GALNT12: variants seen among roughly 807,000 people sequenced by gnomAD.
GALNT12 encodes polypeptide N-acetylgalactosaminyltransferase 12, also known as UDP-GalNAc:polypeptide N-acetylgalactosaminyltransferase 12.
A neutral mutation model predicts 55.5 loss-of-function variants in GALNT12; 45 were observed. That is an observed-to-expected ratio of 0.81 (90% CI 0.64 to 1.04). The LOEUF (loss-of-function observed/expected upper bound fraction) is 1.04. Ranked by LOEUF, GALNT12 falls within the 50% of genes least tolerant of loss-of-function variation. The probability of loss-of-function intolerance (pLI) is 0.00; values close to 1 mark genes in which losing one functional copy is unlikely to be tolerated. For missense variants in GALNT12, 709 were observed against 754.8 expected (o/e 0.94, Z 0.71); for synonymous variants, 304 against 312.2 (o/e 0.97, Z 0.28).
chr9:98,840,132 T>C lies in GALNT12; in HGVS notation c.1343T>C (p.Met448Thr), dbSNP rs1238216809. 6.2e-7 allele frequency: 1 copy of C among 1,613,274 alleles called. No individual in the cohort carries two copies. Among genetic ancestry groups the C allele is most frequent in the Non-Finnish European group, 8.5e-7 (1 of 1,179,938 alleles). The change falls in exon 7 of 10, where the codon ATG (methionine) becomes ACG (threonine). Residue 448 changes from methionine (M) to threonine (T), a missense_variant and splice_region_variant. By Grantham distance (81) the Met-to-Thr change is moderately conservative. Around this residue, in one of 5 missense-constraint regions of GALNT12, gnomAD observed 262 missense variants for 310.7 expected, o/e 0.84. Transcript: ENST00000375011. Reference sequence around the variant, plus strand: ...GAGGACAGGCCTGGCTTCTTCGGGATGGTGAGTGAGGGTGGTGGGCCCACG... The same window carrying C: ...GAGGACAGGCCTGGCTTCTTCGGGACGGTGAGTGAGGGTGGTGGGCCCACG... ...VPEDRPGFFG[M>T]LQNKGLTDYC... is the part of the protein sequence containing the mutation.
In GALNT12 at chr9:98,831,935, C is replaced by A; in HGVS notation, c.895C>A (p.Gln299Lys). The change falls in exon 4 of 10, where the codon CAA becomes AAA. Residue 299 changes from glutamine (Q) to lysine (K), a missense_variant. Around this residue, in one of 5 missense-constraint regions of GALNT12, gnomAD observed 315 missense variants for 288.6 expected, o/e 1.09. Coordinates refer to ENST00000375011, the MANE Select transcript of GALNT12 (RefSeq NM_024642.5). The part of the protein sequence containing the change: ...TVPERERIRM[Q>K]SPVDVIRSPT... ...TCCTGAGAGGGAGAGGATACGGATG[C>A]AATCCCCCGTCGATGTCATCAGGTC... The A allele has an allele frequency of 1.2e-6, 2 of 1,613,958 alleles. No individual in the cohort carries two copies. Among genetic ancestry groups the A allele is most frequent in the East Asian group, 2.2e-5 (1 of 44,840 alleles).
Position 98,807,882 on chromosome 9 carries a change from G to C in GALNT12, c.184G>C (p.Glu62Gln). The C allele has an allele frequency of 9.3e-7, 1 of 1,079,142 alleles. No individual in the cohort carries two copies. Among genetic ancestry groups the C allele is most frequent in the Non-Finnish European group, 1.1e-6 (1 of 891,606 alleles). 66.8% of individuals were successfully genotyped at this position (1,079,142 alleles called of 1,614,324 possible). A position where few individuals can be genotyped will look rare whatever the true frequency, so the allele number is the denominator to read the frequency against. Residue 62 changes from glutamate (E) to glutamine (Q), a missense_variant, in exon 1 of 10, where the codon GAG (glutamate) becomes CAG (glutamine). Coordinates refer to ENST00000375011, the MANE Select transcript of GALNT12 (RefSeq NM_024642.5). ...GCGCACCCCGCGCCCCGGGCGGCGC[G>C]AGCCGGTCATGCCGCGGCCGCCGGT... ...PPRTPRPGRR[E>Q]PVMPRPPVPA...
intron 1 of GALNT12, among the ~76,000 whole-genome samples, chr9:98,812,478 C>T (rs1835515920): frequency 6.6e-6 from 1 of 152,098 alleles, no homozygotes; most frequent in African/African-American, 2.4e-5. Flanking sequence ...GTAGTCCCAG[C>T]TACTTGGGAG....
chr9:98,824,880 C>T (rs7043234), intron 2 of GALNT12, among the ~76,000 whole-genome samples: 80,373 of 152,044 alleles, frequency 0.53, 22,217 homozygotes, highest in African/African-American at 0.68. Context: ...TTCCTTTTTC[C>T]GTTTCCCCCC....
chr9:98,822,997 G>A (rs1042668859), intron 1 of GALNT12, among the ~76,000 whole-genome samples: 1 of 152,154 alleles, frequency 6.6e-6, no homozygotes, highest in Non-Finnish European at 1.5e-5. Flanking sequence ...ATTCTGTCTC[G>A]TTTGTATGTT....
intron 6 of GALNT12, among the ~76,000 whole-genome samples, chr9:98,838,617 C>G (rs1305027307): frequency 6.6e-6 from 1 of 152,222 alleles, no homozygotes; most frequent in Non-Finnish European, 1.5e-5. Flanking sequence ...TCTTCTTTCC[C>G]AGGTCTTGGG....
chr9:98,843,054 C>T (rs1018615920), intron 7 of GALNT12, among the ~76,000 whole-genome samples: 2 of 152,134 alleles, frequency 1.3e-5, no homozygotes, highest in Non-Finnish European at 2.9e-5. Context: ...CTAAATTTTT[C>T]TCATTGGGCA....
At chr9:98,848,198 G>T (rs1836464144) in intron 9 of GALNT12, among the ~76,000 whole-genome samples, 1 of 152,038 alleles carries the variant, frequency 6.6e-6, no homozygotes, top group Admixed American at 6.5e-5. Context: ...TTTTTTGAAT[G>T]AAAAAAGTTC....
intron 3 of GALNT12, among the ~76,000 whole-genome samples, chr9:98,828,174 A>G (rs577479776): frequency 6.6e-6 from 1 of 152,138 alleles, no homozygotes; most frequent in African/African-American, 2.4e-5. Flanking sequence ...TGCCAACTCC[A>G]TGGTTGTTAG....
rs2273849 is a variant in GALNT12 at position 98,849,605 on chromosome 9, C to G, written c.*513C>G. 11,025 of 420,530 alleles carry G rather than the reference C, an allele frequency of 0.026. 537 individuals carry two copies. Among genetic ancestry groups the G allele is most frequent in the East Asian group, 0.13 (3,664 of 29,278 alleles). 26.0% of individuals were successfully genotyped at this position (420,530 alleles called of 1,614,324 possible). On this transcript the variant is annotated 3_prime_UTR_variant, in exon 10 of 10. Coordinates refer to ENST00000375011, the MANE Select transcript of GALNT12 (RefSeq NM_024642.5). ...ACTAGGAACATTGTATTGATTTATT[C>G]AGGTCATTGAGATCTTCTAGATGTA...
At chr9:98,837,174 C>CG (rs1461097614) in intron 6 of GALNT12, 26 bp downstream of exon 6, 9 of 1,612,244 alleles carry the variant, frequency 5.6e-6, no homozygotes, top group Non-Finnish European at 7.6e-6. Context: ...CACCTGCACT[C>CG]CATCTGGCTT....
Position 98,812,462 on chromosome 9 carries a change from G to A in GALNT12, c.371+4393G>A, listed in dbSNP as rs575254644. On this transcript the variant is annotated intron_variant, in intron 1 of 9. Coordinates refer to ENST00000375011, the MANE Select transcript of GALNT12 (RefSeq NM_024642.5). ...AAAAATTAGCTGGGCGTGGTGGTGG[G>A]TGTCTGTAGTCCCAGCTACTTGGGA... Among the ~76,000 whole-genome samples the A allele has an allele frequency of 5.9e-5, 9 of 152,148 alleles. No individual in the cohort carries two copies. In the South Asian group the frequency reaches 8.3e-4, roughly 14 times the overall value.
intron 1 of GALNT12, among the ~76,000 whole-genome samples, chr9:98,817,120 C>T (rs753614202): frequency 3.9e-5 from 6 of 152,154 alleles, no homozygotes; most frequent in Non-Finnish European, 7.3e-5. Flanking sequence ...GCCACTGTGC[C>T]CAGCCCAGCT....
chr9:98,845,546 C>G (rs1319860962), intron 8 of GALNT12, among the ~76,000 whole-genome samples: 1 of 152,148 alleles, frequency 6.6e-6, no homozygotes, highest in East Asian at 1.9e-4. Context: ...CACTTTACAT[C>G]TTCTAGGAAC....
At chr9:98,817,961 C>G (rs1413632559) in intron 1 of GALNT12, among the ~76,000 whole-genome samples, 2 of 152,052 alleles carry the variant, frequency 1.3e-5, no homozygotes, top group African/African-American at 4.8e-5. Flanking sequence ...AAATTTATGA[C>G]ACACCAGCAT....
chr9:98,828,705 T>C (rs1835919070), intron 3 of GALNT12, among the ~76,000 whole-genome samples: 1 of 152,328 alleles, frequency 6.6e-6, no homozygotes, highest in South Asian at 2.1e-4. Flanking sequence ...AGTAGGTGTA[T>C]ATATTTATGG....
chr9:98,816,019 C>A (rs993759675), intron 1 of GALNT12, among the ~76,000 whole-genome samples: 1 of 152,144 alleles, frequency 6.6e-6, no homozygotes, highest in Non-Finnish European at 1.5e-5. Context: ...ACTGTTATTA[C>A]CAGGTAAAGT....
chr9:98,841,672 C>CTTT (rs112387878), intron 7 of GALNT12, among the ~76,000 whole-genome samples: 2 of 143,472 alleles, frequency 1.4e-5, no homozygotes, highest in African/African-American at 5.1e-5. Flanking sequence ...ACGACAAATT[C>CTTT]TTTTTTTTTT....
chr9:98,825,677 A>AT lies in GALNT12; in HGVS notation c.542-1068dup, dbSNP rs1286309147. Among the ~76,000 whole-genome samples, 6 of 152,220 alleles carry AT rather than the reference A, an allele frequency of 3.9e-5. No individual in the cohort carries two copies. In the East Asian group the frequency reaches 9.6e-4, roughly 24 times the overall value. ...CAACTTATTTGTGGTTATAATTTGG[A>AT]TTTTTTTAAAAAATTGGCTGGGTGC... On this transcript the variant is annotated intron_variant, in intron 2 of 9. Transcript: ENST00000375011.
Sources: allele counts gnomAD v4.1 joint callset (sites outside exome capture counted in the v4.1 genomes callset), GRCh38; gene constraint gnomAD v4.1.1; regional missense constraint gnomAD v4.1.1; transcripts MANE v1.5; gene names NCBI Gene and HGNC (gene_info 2026-07-23, HGNC 2026-07-21).